GPX7: variants seen among roughly 807,000 people sequenced by gnomAD.
GPX7 encodes protein peroxidase GPX7.
GPX7 carries 21 observed loss-of-function variants against 23.7 expected under a neutral mutation model. The ratio of observed to expected loss-of-function variants is 0.89; its 90% confidence interval spans 0.63 to 1.28. GPX7 has a LOEUF of 1.28. Among genes scored for constraint, GPX7 ranks in the 50% most tolerant of loss-of-function variants. GPX7 has a pLI of 0.00. For missense variants in GPX7, 238 were observed against 237.3 expected, an observed-to-expected ratio of 1.00 and a Z score of -0.02; for synonymous variants, 112 against 101.8, an observed-to-expected ratio of 1.10 and a Z score of -0.61.
At position 52,606,838 on chromosome 1, in the gene GPX7, A is replaced by G; in HGVS notation, c.293A>G (p.Lys98Arg). Residue 98 changes from lysine to arginine, a missense_variant, in exon 2 of 3, where the codon AAG becomes AGG. By Grantham distance (26) the Lys-to-Arg change is conservative (BLOSUM62 2). Coordinates refer to ENST00000361314, the MANE Select transcript of GPX7 (RefSeq NM_015696.5). ...GGCCAACAGGAGCCTGACAGCAACA[A>G]GGAGATTGAGAGCTTTGCCCGCCGC... is the stretch of plus-strand genomic sequence containing the variant. Reference protein sequence around the residue: ...QFGQQEPDSNKEIESFARRTY... With the variant: ...QFGQQEPDSNREIESFARRTY... 1.2e-6 allele frequency: 2 copies of G among 1,614,212 alleles called. No homozygotes were observed. Among genetic ancestry groups the G allele is most frequent in the South Asian group, 2.2e-5 (2 of 91,088 alleles).
At chr1:52,606,620 G>A (rs533400920) in intron 1 of GPX7, 64 bp from the exon 2 acceptor site, 5 of 1,569,252 alleles carry the variant, frequency 3.2e-6, no homozygotes, top group South Asian at 1.2e-5. Flanking sequence ...GTCAGGGCAT[G>A]TACAGGTTCA....
In GPX7 at chr1:52,608,272, G is replaced by A. The variant is rs1690875848; in HGVS notation, c.411G>A (p.Gly137=). The A allele has an allele frequency of 1.8e-5, 29 of 1,611,458 alleles. No individual in the cohort carries two copies. The highest frequency in any genetic ancestry group is 2.5e-5 in the Non-Finnish European group (29 of 1,178,946). ...TTCCTTTTTCTCTAGAGACTTCTGG[G>A]AAGGAGCCCACCTGGAACTTCTGGA... is the stretch of plus-strand genomic sequence containing the variant. ...PAFKYLAQTS[G]KEPTWNFWKY... The change falls in exon 3 of 3, where the codon GGG becomes GGA. Residue 137 remains glycine, a synonymous_variant. Coordinates refer to ENST00000361314, the MANE Select transcript of GPX7 (RefSeq NM_015696.5).
intron 1 of GPX7, among the ~76,000 whole-genome samples, chr1:52,603,396 A>G (rs1243764120): frequency 1.3e-5 from 2 of 152,208 alleles, no homozygotes; most frequent in Non-Finnish European, 2.9e-5. Flanking sequence ...GTTGTGCTTC[A>G]AAGAGTCTAA....
At position 52,608,556 on chromosome 1, in the gene GPX7, T is replaced by C; in HGVS notation, c.*131T>C. ...CTTTACTCTTATGCCATTGGTCCCATCATTCTTGTGGGGGAAAAATTCTAG... is the reference window on the plus strand; with the variant it reads ...CTTTACTCTTATGCCATTGGTCCCACCATTCTTGTGGGGGAAAAATTCTAG... On this transcript the variant is annotated 3_prime_UTR_variant, in exon 3 of 3. Transcript: ENST00000361314. 1 of 686,904 alleles carries C rather than the reference T, an allele frequency of 1.5e-6. No homozygotes were observed. The highest frequency in any genetic ancestry group is 2.2e-6 in the Non-Finnish European group (1 of 461,436). The allele number at this position is 686,904 out of a possible 1,614,324, so 42.6% of individuals were successfully genotyped here.
rs1343120345 is a variant in GPX7, at chr1:52,602,534, A to G, written c.125A>G (p.Lys42Arg). The part of the protein sequence containing the change: ...NIRGKLVSLE[K>R]YRGSVSLVVN... ...CGGGGCAAACTGGTGTCGCTGGAGA[A>G]GTACCGCGGATCGGTGAGTGCGCGG... The change falls in exon 1 of 3, where the codon AAG (lysine) becomes AGG (arginine). Residue 42 changes from lysine to arginine, a missense_variant. Transcript: ENST00000361314. The G allele has an allele frequency of 1.3e-6, 2 of 1,560,584 alleles. No individual in the cohort carries two copies. Among genetic ancestry groups the G allele is most frequent in the Admixed American group, 3.8e-5 (2 of 52,592 alleles).
intron 1 of GPX7, 133 bp downstream of exon 1, chr1:52,602,680 C>T: frequency 7.8e-6 from 2 of 254,892 alleles, no homozygotes; most frequent in Non-Finnish European, 1.4e-5. Context: ...CGCCAAACCC[C>T]GGCCCCCGCC....
intron 1 of GPX7, 44 bp downstream of exon 1, chr1:52,602,591 C>T (rs765485875): frequency 9.0e-6 from 12 of 1,328,522 alleles, no homozygotes; most frequent in East Asian, 3.1e-5. Context: ...CCGGCCTCGC[C>T]CTGGCGGGGC....
At chr1:52,605,897 G>C (rs921270487) in intron 1 of GPX7, among the ~76,000 whole-genome samples, 2 of 152,172 alleles carry the variant, frequency 1.3e-5, no homozygotes, top group Admixed American at 1.3e-4. Flanking sequence ...GATCACTTCA[G>C]CTCAGAAGTT....
In GPX7 at chr1:52,608,700, A is replaced by G; in HGVS notation, c.*275A>G. On this transcript the variant is annotated 3_prime_UTR_variant, in exon 3 of 3. Transcript: ENST00000361314. ...GCCAACAAAAATGTGTGGCAAATAG[A>G]AGTATATCAAGCAATAATCTCCCAC... The G allele has an allele frequency of 4.4e-6, 1 of 226,742 alleles. No individual in the cohort carries two copies. Among genetic ancestry groups the G allele is most frequent in the South Asian group, 1.0e-4 (1 of 9,792 alleles). The allele number at this position is 226,742 out of a possible 1,614,324, so 14.0% of individuals were successfully genotyped here. A position where few individuals can be genotyped will look rare whatever the true frequency, so the allele number is the denominator to read the frequency against.
chr1:52,606,660 T>C, intron 1 of GPX7, 24 bp from the exon 2 acceptor site: 1 of 1,605,018 alleles, frequency 6.2e-7, no homozygotes. Context: ...CTGGGCTTTG[T>C]TTTGTTTTGT....
intron 1 of GPX7, among the ~76,000 whole-genome samples, chr1:52,605,653 T>G (rs1053280009): frequency 1.3e-5 from 2 of 152,130 alleles, no homozygotes; most frequent in African/African-American, 4.8e-5. Context: ...TTTAATAAAT[T>G]TAAGGATTAG....
chr1:52,602,514 C>A lies in GPX7; in HGVS notation c.105C>A (p.Gly35=). 10 of 1,564,782 alleles carry A rather than the reference C, an allele frequency of 6.4e-6. No individual in the cohort carries two copies. Among genetic ancestry groups the A allele is most frequent in the Non-Finnish European group, 8.6e-6 (10 of 1,159,758 alleles). Residue 35 remains glycine, a synonymous_variant, in exon 1 of 3, where the codon GGC becomes GGA. Transcript: ENST00000361314. ...FYDFKAVNIR[G]KLVSLEKYRG... is the part of the protein sequence containing the mutation. The stretch of plus-strand genomic sequence containing the variant: ...ACTTCAAGGCGGTCAACATCCGGGG[C>A]AAACTGGTGTCGCTGGAGAAGTACC...
intron 1 of GPX7, among the ~76,000 whole-genome samples, chr1:52,603,210 A>G (rs1386090214): frequency 1.3e-5 from 2 of 152,226 alleles, no homozygotes; most frequent in African/African-American, 2.4e-5. Context: ...AGGGGCACAC[A>G]TAAGAGTCAT....
At chr1:52,607,532 A>G (rs539021345) in intron 2 of GPX7, 1 of 153,156 alleles carries the variant, frequency 6.5e-6, no homozygotes, top group East Asian at 1.9e-4. Flanking sequence ...TTCTTCCCTC[A>G]GGCCTTCTCC....
chr1:52,606,428 G>T (rs1219688040), intron 1 of GPX7, among the ~76,000 whole-genome samples: 1 of 152,216 alleles, frequency 6.6e-6, no homozygotes, highest in Non-Finnish European at 1.5e-5. Flanking sequence ...TATGTTCACA[G>T]ATGTTCATGT....
chr1:52,608,178 C>A, intron 2 of GPX7, 84 bp from the exon 3 acceptor site: 1 of 1,320,532 alleles, frequency 7.6e-7, no homozygotes, highest in Non-Finnish European at 1.0e-6. Flanking sequence ...TTAGCTGCCA[C>A]CAGGGAAAGA....
intron 1 of GPX7, 56 bp downstream of exon 1, chr1:52,602,603 T>G: frequency 8.6e-7 from 1 of 1,164,962 alleles, no homozygotes; most frequent in Non-Finnish European, 1.2e-6. Flanking sequence ...TGGCGGGGCC[T>G]GCTGGGGACG....
At chr1:52,607,013 C>T in intron 2 of GPX7, 68 bp downstream of exon 2, 1 of 1,549,124 alleles carries the variant, frequency 6.5e-7, no homozygotes, top group Non-Finnish European at 8.8e-7. Flanking sequence ...CCCTGGGCAG[C>T]AGAAGCCACT....
Position 52,608,433 on chromosome 1 carries a change from G to GTCT in GPX7, c.*9_*11dup. On this transcript the variant is annotated 3_prime_UTR_variant, in exon 3 of 3. Coordinates refer to ENST00000361314, the MANE Select transcript of GPX7 (RefSeq NM_015696.5). ...AAGCGAGAAGACTTATAACCACCGC[G>GTCT]TCTCCTCCTCCACCACCTCATCCCG... 1 of 1,596,134 alleles carries GTCT rather than the reference G, an allele frequency of 6.3e-7. No individual in the cohort carries two copies. Among genetic ancestry groups the GTCT allele is most frequent in the Non-Finnish European group, 8.5e-7 (1 of 1,171,500 alleles).
Sources: gnomAD v4.1 joint callset for allele counts (sites outside exome capture counted in the v4.1 genomes callset) on GRCh38, gnomAD v4.1.1 for gene constraint, MANE v1.5 for transcripts, NCBI Gene and HGNC (gene_info 2026-07-23, HGNC 2026-07-21) for gene names.